DLEU7: variants seen among roughly 807,000 people sequenced by gnomAD.
The protein encoded by DLEU7 is leukemia-associated protein 7.
A neutral mutation model predicts 16.0 loss-of-function variants in DLEU7; 17 were observed. The observed-to-expected ratio is 1.06, with a 90% CI of 0.73 to 1.59. DLEU7 has a LOEUF of 1.59. DLEU7 is among the 40% of genes most tolerant of loss of function. The probability of loss-of-function intolerance (pLI) is 0.00; values close to 1 mark genes in which losing one functional copy is unlikely to be tolerated. For missense variants in DLEU7, 308 were observed against 314.9 expected (o/e 0.98, Z 0.17); for synonymous variants, 113 against 139.8 (o/e 0.81, Z 1.35).
intron 1 of DLEU7, among the ~76,000 whole-genome samples, chr13:50,736,617 C>A (rs189123970): frequency 2.4e-3 from 363 of 152,098 alleles, no homozygotes; most frequent in African/African-American, 8.4e-3. Context: ...ATGATCTCAA[C>A]TTGGTAGCCA....
chr13:50,766,033 G>A (rs1875092541), intron 1 of DLEU7, among the ~76,000 whole-genome samples: 1 of 152,114 alleles, frequency 6.6e-6, no homozygotes, highest in African/African-American at 2.4e-5. Flanking sequence ...AGGGTTGGGG[G>A]TGGGGTGGAG....
chr13:50,748,759 G>A (rs1015408930), intron 1 of DLEU7, among the ~76,000 whole-genome samples: 1 of 151,996 alleles, frequency 6.6e-6, no homozygotes, highest in Non-Finnish European at 1.5e-5. Context: ...GGAAGGAGAA[G>A]GAGAAGAAAA....
Position 50,808,997 on chromosome 13 carries a change from C to T in DLEU7, c.459+34191G>A, listed in dbSNP as rs376864879. On this transcript the variant is annotated intron_variant, in intron 1 of 1. Transcript: ENST00000400393. The stretch of plus-strand genomic sequence containing the variant: ...AGAAGGTACTTAAGCAAAATCATTG[C>T]GTTGAGGACATTTTCTTAAATAGGA... Among the ~76,000 whole-genome samples the T allele has an allele frequency of 1.5e-4, 23 of 152,076 alleles. No individual in the cohort carries two copies. In the South Asian group the frequency reaches 4.6e-3, roughly 30 times the overall value.
chr13:50,824,160 T>A (rs1877009188), intron 1 of DLEU7, among the ~76,000 whole-genome samples: 1 of 152,210 alleles, frequency 6.6e-6, no homozygotes, highest in South Asian at 2.1e-4. Flanking sequence ...GAATTTGTTA[T>A]TTAATTGACA....
chr13:50,779,557 G>A (rs769226449), intron 1 of DLEU7, among the ~76,000 whole-genome samples: 29 of 152,132 alleles, frequency 1.9e-4, no homozygotes, highest in Non-Finnish European at 4.0e-4. Context: ...TAGCCTTTGA[G>A]AGTGGATGCC....
chr13:50,812,158 G>GTA (rs1257355245), intron 1 of DLEU7, among the ~76,000 whole-genome samples: 1 of 151,790 alleles, frequency 6.6e-6, no homozygotes, highest in African/African-American at 2.4e-5. Flanking sequence ...CTGATTTACG[G>GTA]TATTTTTTTC....
rs1054221449 is a variant in DLEU7 at position 50,732,571 on chromosome 13, C to T, written c.460-19331G>A. ...GCAGTGAGCCGAGATCGAGCCACTG[C>T]ACTCCAGCCCAGGCAACAGTATGAG... On this transcript the variant is annotated intron_variant, in intron 1 of 1. Transcript: ENST00000400393. Among the ~76,000 whole-genome samples, 3 of 131,672 alleles carry T rather than the reference C, an allele frequency of 2.3e-5. No homozygotes were observed. The East Asian group carries it at 6.6e-4, about 29-fold the overall frequency. 86.4% of individuals were successfully genotyped at this position (131,672 alleles called of 152,430 possible).
At chr13:50,806,567 C>T (rs994609512) in intron 1 of DLEU7, among the ~76,000 whole-genome samples, 2 of 151,688 alleles carry the variant, frequency 1.3e-5, no homozygotes, top group Admixed American at 6.6e-5. Flanking sequence ...TTAGACAGCT[C>T]GGAGTAATAT....
chr13:50,732,684 A>AAGG (rs1873947789), intron 1 of DLEU7, among the ~76,000 whole-genome samples: 1 of 151,920 alleles, frequency 6.6e-6, no homozygotes, highest in Non-Finnish European at 1.5e-5. Flanking sequence ...TAAACTCCCA[A>AAGG]AGGAAAAATG....
rs998138435 is a variant in DLEU7 at position 50,843,490 on chromosome 13, G to T, written c.157C>A (p.Arg53Ser). 6.6e-6 allele frequency: 9 copies of T among 1,359,682 alleles called. No individual in the cohort carries two copies. The highest frequency in any genetic ancestry group is 1.5e-5 in the African/African-American group (1 of 64,872). 84.2% of individuals were successfully genotyped at this position (1,359,682 alleles called of 1,614,324 possible). The part of the protein sequence containing the change: ...PDHVSTAPAR[R>S]SGPPRARPGP... ...GGCCGGGCCCGCGGCGGGCCTGAGC[G>T]ACGGGCTGGAGCGGTGGACACGTGG... Residue 53 changes from arginine to serine, a missense_variant, in exon 1 of 2, where the codon CGC (arginine) becomes AGC (serine). Transcript: ENST00000504404. The surrounding 1 kb of genome is among the most constrained non-coding windows in gnomAD (Gnocchi z 5.7).
intron 1 of DLEU7, among the ~76,000 whole-genome samples, chr13:50,835,536 C>A (rs891975675): frequency 1.7e-4 from 26 of 152,162 alleles, no homozygotes; most frequent in Admixed American, 1.6e-3. Flanking sequence ...GGAAGACTGG[C>A]CTGTTGGCCC....
chr13:50,783,974 A>G (rs1875729767), intron 1 of DLEU7, among the ~76,000 whole-genome samples: 1 of 152,166 alleles, frequency 6.6e-6, no homozygotes, highest in South Asian at 2.1e-4. Flanking sequence ...CCCTGTTTTT[A>G]AGAGGTTGCC....
chr13:50,799,142 C>T (rs908657356), intron 1 of DLEU7, among the ~76,000 whole-genome samples: 3 of 152,150 alleles, frequency 2.0e-5, no homozygotes, highest in African/African-American at 4.8e-5. Context: ...ATGAGCTTTG[C>T]CTTGGTTGGG....
chr13:50,778,774 A>C (rs1261447772), intron 1 of DLEU7, among the ~76,000 whole-genome samples: 1 of 152,240 alleles, frequency 6.6e-6, no homozygotes, highest in Non-Finnish European at 1.5e-5. Context: ...ATGTCCATGA[A>C]CTCAATTTAG....
At chr13:50,774,688 G>C (rs1295826749) in intron 1 of DLEU7, among the ~76,000 whole-genome samples, 1 of 150,412 alleles carries the variant, frequency 6.6e-6, no homozygotes, top group Admixed American at 6.6e-5. Context: ...TTTTTTTCTT[G>C]CTCCATATTC....
chr13:50,799,965 A>T (rs1876203800), intron 1 of DLEU7, among the ~76,000 whole-genome samples: 2 of 152,184 alleles, frequency 1.3e-5, no homozygotes, highest in Non-Finnish European at 2.9e-5. Context: ...CAAACTGTAC[A>T]CAGAACTCTG....
rs1186593389 is a variant in DLEU7, at chr13:50,839,189, G to A, written c.459+3999C>T. ...CGCCCCTAAGGGCAAGCACTGTAATGTAGGAGAATAAGTTAGATAAAACCC... is the reference window on the plus strand; with the variant it reads ...CGCCCCTAAGGGCAAGCACTGTAATATAGGAGAATAAGTTAGATAAAACCC... On this transcript the variant is annotated intron_variant, in intron 1 of 1. Transcript: ENST00000504404. 5.3e-5 allele frequency among the ~76,000 whole-genome samples: 8 copies of A among 152,252 alleles called. No individual in the cohort carries two copies. In the East Asian group the frequency reaches 1.5e-3, roughly 29 times the overall value.
intron 1 of DLEU7, among the ~76,000 whole-genome samples, chr13:50,841,392 T>C (rs1877653023): frequency 6.6e-6 from 1 of 152,070 alleles, no homozygotes; most frequent in South Asian, 2.1e-4. Context: ...GAAAATAACA[T>C]GTATTTTTTT....
chr13:50,740,617 C>T (rs1192300547), intron 1 of DLEU7, among the ~76,000 whole-genome samples: 1 of 152,058 alleles, frequency 6.6e-6, no homozygotes, highest in African/African-American at 2.4e-5. Flanking sequence ...GGTCCCCAAG[C>T]CTTTTTATCG....
Sources: gnomAD v4.1 joint callset for allele counts (sites outside exome capture counted in the v4.1 genomes callset) on GRCh38, gnomAD v4.1.1 for gene constraint, Gnocchi (gnomAD v3.1) non-coding constraint, MANE v1.5 for transcripts, NCBI Gene and HGNC (gene_info 2026-07-23, HGNC 2026-07-21) for gene names.